Variants in DMXL1 observed in about 807,000 individuals in gnomAD.
DMXL1 encodes the protein dmX-like protein 1.
DMXL1 carries 99 observed loss-of-function variants against 319.2 expected under a neutral mutation model. That is an observed-to-expected ratio of 0.31 (90% CI 0.26 to 0.37). The LOEUF (loss-of-function observed/expected upper bound fraction) is 0.37, where lower values mean the gene tolerates loss of function less well. Among genes scored for constraint, DMXL1 ranks in the 10% least tolerant of loss-of-function variants. The pLI, the probability that DMXL1 is intolerant of heterozygous loss-of-function variation, is 1.00. For missense variants in DMXL1, 3,745 were observed against 3,595.6 expected (o/e 1.04, Z -1.06); for synonymous variants, 1,385 against 1,235.2 (o/e 1.12, Z -2.54).
intron 3 of DMXL1, among the ~76,000 whole-genome samples, chr5:119,103,298 G>T (rs1266214493): frequency 6.6e-6 from 1 of 152,084 alleles, no homozygotes; most frequent in Non-Finnish European, 1.5e-5. Context: ...AATTATAAAG[G>T]ACTAAACTGT....
rs199808892 is a variant in DMXL1, at chr5:119,239,971, A to AC, written c.8652-448_8652-447insC. ...TAAAACTCCATCTCAAAAAAAAAAAAAAACAAAAAATTGTAGCCAGAGCAT... is the reference window on the plus strand; with the variant it reads ...TAAAACTCCATCTCAAAAAAAAAAAACAAACAAAAAATTGTAGCCAGAGCAT... On this transcript the variant is annotated intron_variant, in intron 41 of 43. Coordinates refer to ENST00000539542, the MANE Select transcript of DMXL1 (RefSeq NM_001290321.3). 2.6e-3 allele frequency among the ~76,000 whole-genome samples: 400 copies of AC among 151,404 alleles called. 3 individuals carry two copies. Among genetic ancestry groups the AC allele is most frequent in the African/African-American group, 8.6e-3 (357 of 41,280 alleles).
chr5:119,233,250 T>G, intron 38 of DMXL1, 90 bp from the exon 39 acceptor site: 1 of 1,342,994 alleles, frequency 7.4e-7, no homozygotes, highest in Non-Finnish European at 1.0e-6. Context: ...TAGATGTTTC[T>G]TTCATAAAGA....
chr5:119,227,568 C>G (rs1219893605), intron 38 of DMXL1, among the ~76,000 whole-genome samples: 1 of 151,988 alleles, frequency 6.6e-6, no homozygotes, highest in Non-Finnish European at 1.5e-5. Flanking sequence ...TGTAAGGCAA[C>G]CATGTAAGGG....
intron 28 of DMXL1, among the ~76,000 whole-genome samples, chr5:119,184,482 C>T (rs1229742743): frequency 6.6e-6 from 1 of 152,088 alleles, no homozygotes; most frequent in Non-Finnish European, 1.5e-5. Flanking sequence ...TATATTTTTT[C>T]CATTATAGTT....
rs1165274561 is a variant in DMXL1 at position 119,196,415 on chromosome 5, A to G, written c.7502A>G (p.Asn2501Ser). ...GCGATGGTGCAATTGGTGCTCAACA[A>G]TTTGAAGACTTTTTATCCCTTCGCA... is the stretch of plus-strand genomic sequence containing the variant. ...RLAMVQLVLN[N>S]LKTFYPFAGH... Residue 2501 changes from asparagine (N) to serine (S), a missense_variant, in exon 31 of 44, where the codon AAT (asparagine) becomes AGT (serine). Around this residue, in one of 4 missense-constraint regions of DMXL1, gnomAD observed 1,382 missense variants for 1,269.5 expected, o/e 1.09. Transcript: ENST00000539542. The G allele has an allele frequency of 5.0e-6, 8 of 1,613,514 alleles. No homozygotes were observed. Among genetic ancestry groups the G allele is most frequent in the Admixed American group, 1.7e-5 (1 of 59,980 alleles).
chr5:119,133,466 G>A (rs779078449), intron 11 of DMXL1, 28 bp from the exon 12 acceptor site: 3 of 1,588,332 alleles, frequency 1.9e-6, no homozygotes, highest in South Asian at 2.3e-5. Context: ...AATTTTATAT[G>A]TTCTAACACT....
chr5:119,099,832 A>G (rs1291813227), intron 2 of DMXL1, among the ~76,000 whole-genome samples: 1 of 152,030 alleles, frequency 6.6e-6, no homozygotes, highest in Non-Finnish European at 1.5e-5. Context: ...TGTCTCTACA[A>G]AAATAAAAAT....
rs1256269896 is a variant in DMXL1, at chr5:119,166,908, CTG to C, written c.5136+129_5136+130del. ...ACACAAGGCCAAATATCTGAAATAA[CTG>C]TTAATATTTAATAAAGACATTTAAA... On this transcript the variant is annotated intron_variant, in intron 22 of 43. Coordinates refer to ENST00000539542, the MANE Select transcript of DMXL1 (RefSeq NM_001290321.3). 6 of 685,344 alleles carry C rather than the reference CTG, an allele frequency of 8.8e-6. No homozygotes were observed. The South Asian group carries it at 1.3e-4, about 15-fold the overall frequency. 42.5% of individuals were successfully genotyped at this position (685,344 alleles called of 1,614,324 possible).
At chr5:119,122,653 C>T (rs892902025) in intron 9 of DMXL1, among the ~76,000 whole-genome samples, 1 of 148,184 alleles carries the variant, frequency 6.7e-6, no homozygotes, top group Non-Finnish European at 1.5e-5. Flanking sequence ...GACGCCCTTC[C>T]CCTCCCAGAC....
intron 5 of DMXL1, among the ~76,000 whole-genome samples, chr5:119,110,600 T>C (rs1256374851): frequency 2.0e-5 from 3 of 152,198 alleles, no homozygotes; most frequent in Admixed American, 6.5e-5. Flanking sequence ...TCTGAAGAAA[T>C]CTATTTTTCC....
intron 19 of DMXL1, among the ~76,000 whole-genome samples, chr5:119,153,607 G>A (rs1026197475): frequency 1.1e-4 from 16 of 152,094 alleles, no homozygotes; most frequent in African/African-American, 9.7e-5. Flanking sequence ...GGCAAATACC[G>A]TTTATTCTCT....
Position 119,137,532 on chromosome 5 carries a change from C to G in DMXL1, c.2376+3143C>G, listed in dbSNP as rs1034929861. Among the ~76,000 whole-genome samples, 5 of 152,160 alleles carry G rather than the reference C, an allele frequency of 3.3e-5. No individual in the cohort carries two copies. In the East Asian group the frequency reaches 9.6e-4, roughly 29 times the overall value. On this transcript the variant is annotated intron_variant, in intron 13 of 43. Transcript: ENST00000539542. ...TTTATTGCTGTGTGCTCACCCAAAT[C>G]TCATTTCGAATTATAATTGCCACAT...
intron 28 of DMXL1, among the ~76,000 whole-genome samples, chr5:119,188,249 T>G (rs1778101016): frequency 6.6e-6 from 1 of 152,210 alleles, no homozygotes; most frequent in Non-Finnish European, 1.5e-5. Flanking sequence ...TCTATACTTC[T>G]TGGTTCACAT....
At chr5:119,183,985 A>G (rs778320775) in intron 28 of DMXL1, among the ~76,000 whole-genome samples, 12 of 152,072 alleles carry the variant, frequency 7.9e-5, no homozygotes, top group Non-Finnish European at 1.8e-4. Context: ...TGATGACAGT[A>G]GAAGAAACTA....
chr5:119,244,766 G>T (rs1220292448), intron 43 of DMXL1, among the ~76,000 whole-genome samples, 190 bp downstream of exon 43: 3 of 152,096 alleles, frequency 2.0e-5, no homozygotes, highest in Admixed American at 6.5e-5. Context: ...TTTTTCAGTT[G>T]TTTGAAAATA....
At chr5:119,192,012 C>A (rs944019887) in intron 29 of DMXL1, among the ~76,000 whole-genome samples, 2 of 152,216 alleles carry the variant, frequency 1.3e-5, no homozygotes, top group African/African-American at 4.8e-5. Context: ...GCTCTTTACT[C>A]AGCTGTTCCA....
chr5:119,207,663 C>T (rs1044476547), intron 34 of DMXL1, among the ~76,000 whole-genome samples: 22 of 152,072 alleles, frequency 1.4e-4, no homozygotes, highest in African/African-American at 4.1e-4. Context: ...GGATTATAGG[C>T]GCCCACCACC....
At chr5:119,229,440 CAT>C (rs1463078883) in intron 38 of DMXL1, among the ~76,000 whole-genome samples, 1 of 152,046 alleles carries the variant, frequency 6.6e-6, no homozygotes. Context: ...CTTTTAATAA[CAT>C]ATATAAATAC....
chr5:119,224,706 C>A lies in DMXL1; in HGVS notation c.8278-3C>A. ...CTATAAAATAATTTTTCTATTTTAC[C>A]AGATGATTAAGAAAGCCATTAATAA... On this transcript the variant is annotated splice_polypyrimidine_tract_variant and splice_region_variant and intron_variant, in intron 37 of 43. Coordinates refer to ENST00000539542, the MANE Select transcript of DMXL1 (RefSeq NM_001290321.3). The A allele has an allele frequency of 1.6e-6, 2 of 1,217,480 alleles. No homozygotes were observed. Among genetic ancestry groups the A allele is most frequent in the Non-Finnish European group, 2.2e-6 (2 of 901,144 alleles). 75.4% of individuals were successfully genotyped at this position (1,217,480 alleles called of 1,614,324 possible). A position where few individuals can be genotyped will look rare whatever the true frequency, so the allele number is the denominator to read the frequency against.
Sources: gnomAD v4.1 joint callset for allele counts (sites outside exome capture counted in the v4.1 genomes callset) on GRCh38, gnomAD v4.1.1 for gene constraint, gnomAD v4.1.1 regional missense constraint, MANE v1.5 for transcripts, NCBI Gene and HGNC (gene_info 2026-07-23, HGNC 2026-07-21) for gene names.